SLC9B1: variants seen among roughly 807,000 people sequenced by gnomAD.
SLC9B1 encodes the protein solute carrier family 9 member B1.
In SLC9B1, 32 loss-of-function variants were observed where a neutral mutation model predicts 51.7. That is an observed-to-expected ratio of 0.62 (90% confidence interval 0.47 to 0.83). SLC9B1 has a LOEUF of 0.83. Ranked by LOEUF, SLC9B1 falls within the 40% of genes least tolerant of loss-of-function variation. SLC9B1 has a pLI of 0.00. For missense variants in SLC9B1, 406 were observed against 613.2 expected, an observed-to-expected ratio of 0.66 and a Z score of 3.57; for synonymous variants, 145 against 212.7, an observed-to-expected ratio of 0.68 and a Z score of 2.77.
chr4:102,956,315 A>T (rs1210494909), intron 3 of SLC9B1, among the ~76,000 whole-genome samples: 1 of 27,672 alleles, frequency 3.6e-5, no homozygotes, highest in African/African-American at 3.2e-4. Context: ...GAGTATTACT[A>T]AAAAAAAAAA....
intron 1 of SLC9B1, 56 bp from the exon 2 acceptor site, chr4:102,991,768 G>T: frequency 8.1e-7 from 1 of 1,241,046 alleles, no homozygotes; most frequent in Non-Finnish European, 1.1e-6. Flanking sequence ...AAATCCATAT[G>T]AAAACAAACA....
At chr4:102,991,444 C>A (rs545941651) in intron 2 of SLC9B1, among the ~76,000 whole-genome samples, 199 bp downstream of exon 2, 6 of 152,190 alleles carry the variant, frequency 3.9e-5, no homozygotes, top group African/African-American at 1.4e-4. Context: ...CCAAAATGCT[C>A]TATAGTCACA....
At chr4:102,988,500 G>T (rs988391131) in intron 3 of SLC9B1, among the ~76,000 whole-genome samples, 1 of 152,044 alleles carries the variant, frequency 6.6e-6, no homozygotes, top group Non-Finnish European at 1.5e-5. Flanking sequence ...GTTTCATTCT[G>T]CTTACACATG....
At chr4:102,993,963 G>A (rs1430307034) in intron 1 of SLC9B1, among the ~76,000 whole-genome samples, 1 of 152,184 alleles carries the variant, frequency 6.6e-6, no homozygotes, top group Non-Finnish European at 1.5e-5. Context: ...GGGTGACCCT[G>A]GGCCTGGCCC....
In SLC9B1 at chr4:103,015,862, G is replaced by A. The variant is rs1270804727; in HGVS notation, c.-2+3737C>T. Among the ~76,000 whole-genome samples, 4 of 152,070 alleles carry A rather than the reference G, an allele frequency of 2.6e-5. No individual in the cohort carries two copies. In the South Asian group the frequency reaches 6.2e-4, roughly 24 times the overall value. On this transcript the variant is annotated intron_variant, in intron 1 of 11. Coordinates refer to ENST00000296422, the MANE Select transcript of SLC9B1 (RefSeq NM_139173.4). ...ATACGTTCATGTGGTTGGGTGCGGT[G>A]GCTCACACCTGTAATCCCAGCACTG...
intron 3 of SLC9B1, among the ~76,000 whole-genome samples, chr4:102,974,352 A>G (rs920413009): frequency 1.3e-5 from 2 of 151,766 alleles, no homozygotes; most frequent in African/African-American, 4.8e-5. Context: ...CAAAAAAACA[A>G]TAGGCAAGAT....
intron 3 of SLC9B1, chr4:102,963,069 G>A (rs1170567332): frequency 2.3e-6 from 1 of 432,990 alleles, no homozygotes; most frequent in African/African-American, 2.0e-5. Context: ...TCGGGGATTT[G>A]AACCTCAACT....
At chr4:102,947,883 T>C (rs1737344005) in intron 4 of SLC9B1, among the ~76,000 whole-genome samples, 1 of 148,370 alleles carries the variant, frequency 6.7e-6, no homozygotes, top group South Asian at 2.2e-4. Flanking sequence ...AACAATGAAA[T>C]AAATGTGAGC....
At chr4:102,931,083 G>A (rs532199860) in intron 7 of SLC9B1, among the ~76,000 whole-genome samples, 24 of 151,988 alleles carry the variant, frequency 1.6e-4, no homozygotes, top group Admixed American at 7.2e-4. Flanking sequence ...AAAATTAGCC[G>A]GGCGTGGTGG....
rs1270122992 is a variant in SLC9B1 at position 103,019,629 on chromosome 4, C to T, written c.-32G>A. ...ACTTCTTTCGCAGCCCTCGCTGGCC[C>T]GGGAGCGGCCCAGGAGCCCAGTGAC... On this transcript the variant is annotated 5_prime_UTR_variant, in exon 1 of 12. Transcript: ENST00000296422. 4.1e-6 allele frequency: 4 copies of T among 985,360 alleles called. No homozygotes were observed. The African/African-American group carries it at 5.2e-5, about 13-fold the overall frequency. The allele number at this position is 985,360 out of a possible 1,614,324, so 61.0% of individuals were successfully genotyped here.
intron 1 of SLC9B1, among the ~76,000 whole-genome samples, chr4:103,009,998 A>C (rs1435745425): frequency 6.6e-6 from 1 of 152,180 alleles, no homozygotes; most frequent in Non-Finnish European, 1.5e-5. Context: ...TACTACTATA[A>C]TTCAAATTGA....
intron 3 of SLC9B1, among the ~76,000 whole-genome samples, chr4:102,986,266 T>TC (rs36067146): frequency 0.53 from 79,216 of 149,052 alleles, 21,408 homozygotes; most frequent in African/African-American, 0.64. Flanking sequence ...TTTTTTTTTT[T>TC]TCTCTCTCTC....
In SLC9B1 at chr4:102,956,385, A is replaced by G. The variant is rs1737815784; in HGVS notation, c.212-6958T>C. 4.6e-5 allele frequency among the ~76,000 whole-genome samples: 7 copies of G among 152,222 alleles called. No homozygotes were observed. The South Asian group carries it at 1.5e-3, about 32-fold the overall frequency. The stretch of plus-strand genomic sequence containing the variant: ...AAAGTTTGTGATAAGTTCTCCACAC[A>G]TATATGGCCGATTGGAAAAGTATGG... On this transcript the variant is annotated intron_variant, in intron 3 of 11. Coordinates refer to ENST00000296422, the MANE Select transcript of SLC9B1 (RefSeq NM_139173.4).
intron 3 of SLC9B1, among the ~76,000 whole-genome samples, chr4:102,983,580 T>C (rs1739467671): frequency 6.6e-6 from 1 of 152,188 alleles, no homozygotes; most frequent in African/African-American, 2.4e-5. Flanking sequence ...GGCCTATTCA[T>C]ATTATCCACT....
At chr4:102,988,863 C>T (rs1200096532) in intron 3 of SLC9B1, among the ~76,000 whole-genome samples, 1 of 151,982 alleles carries the variant, frequency 6.6e-6, no homozygotes, top group Non-Finnish European at 1.5e-5. Context: ...AACTGTAGTC[C>T]ACACTCAGTG....
chr4:102,928,739 G>T (rs1284123536), intron 7 of SLC9B1, among the ~76,000 whole-genome samples: 1 of 152,080 alleles, frequency 6.6e-6, no homozygotes, highest in Non-Finnish European at 1.5e-5. Flanking sequence ...TCTGCAAGTT[G>T]AGGGGCAAGG....
intron 6 of SLC9B1, among the ~76,000 whole-genome samples, chr4:102,933,833 AATAAT>A (rs1314079758): frequency 2.2e-4 from 33 of 152,316 alleles, no homozygotes; most frequent in African/African-American, 7.0e-4. Context: ...TTGTGAATAT[AATAAT>A]ATAATAATTA....
At chr4:103,008,927 G>A (rs112872217) in intron 1 of SLC9B1, among the ~76,000 whole-genome samples, 3 of 151,316 alleles carry the variant, frequency 2.0e-5, no homozygotes, top group African/African-American at 7.3e-5. Context: ...AGTCTCCCGA[G>A]CAGCTGGGAC....
intron 7 of SLC9B1, among the ~76,000 whole-genome samples, chr4:102,930,291 G>A (rs1417807817): frequency 1.3e-5 from 2 of 152,094 alleles, no homozygotes; most frequent in Admixed American, 1.3e-4. Flanking sequence ...TGATATTGTG[G>A]CAATTTGTTT....
Sources: allele counts gnomAD v4.1 joint callset (sites outside exome capture counted in the v4.1 genomes callset), GRCh38; gene constraint gnomAD v4.1.1; transcripts MANE v1.5; gene names NCBI Gene and HGNC (gene_info 2026-07-23, HGNC 2026-07-21).